GGH: variants seen among roughly 807,000 people sequenced by gnomAD.
GGH encodes the protein gamma-Glu-X carboxypeptidase.
GGH carries 18 observed loss-of-function variants against 39.2 expected under a neutral mutation model. The observed-to-expected ratio is 0.46, with a 90% CI of 0.32 to 0.68. The LOEUF (loss-of-function observed/expected upper bound fraction) is 0.68, where lower values mean the gene tolerates loss of function less well. Among genes scored for constraint, GGH ranks in the 30% least tolerant of loss-of-function variants. The pLI, the probability that GGH is intolerant of heterozygous loss-of-function variation, is 0.04. For synonymous variants in GGH, 147 were observed against 138.8 expected (o/e 1.06, Z -0.42); for missense variants, 367 against 384.1 (o/e 0.96, Z 0.37).
At chr8:63,033,401 C>T (rs961328354) in intron 2 of GGH, among the ~76,000 whole-genome samples, 1 of 152,194 alleles carries the variant, frequency 6.6e-6, no homozygotes, top group African/African-American at 2.4e-5. Flanking sequence ...TGTTGAGAGG[C>T]TCTTGATTAC....
rs142569934 is a variant in GGH at position 63,029,239 on chromosome 8, C to T, written c.275+928G>A. On this transcript the variant is annotated intron_variant, in intron 3 of 8. Coordinates refer to ENST00000260118, the MANE Select transcript of GGH (RefSeq NM_003878.3). ...TGGTAGAAATATGCATATCTCTTCA[C>T]CCCCACCTTTAACAAAAAGCAAACG... Among the ~76,000 whole-genome samples the T allele has an allele frequency of 1.8e-3, 270 of 152,270 alleles. 1 individual carries two copies. The highest frequency in any genetic ancestry group is 6.1e-3 in the African/African-American group (253 of 41,570).
At chr8:63,015,502 C>A in intron 8 of GGH, 49 bp from the exon 9 acceptor site, 1 of 1,215,100 alleles carries the variant, frequency 8.2e-7, no homozygotes, top group South Asian at 1.4e-5. Flanking sequence ...ACAAAATCTT[C>A]AAGAGACTAT....
chr8:63,021,541 T>C (rs1422609815), intron 7 of GGH, among the ~76,000 whole-genome samples: 1 of 152,148 alleles, frequency 6.6e-6, no homozygotes, highest in African/African-American at 2.4e-5. Flanking sequence ...TGGGTATAAA[T>C]GGTTTTTTAC....
At chr8:63,022,877 A>G (rs1308060879) in intron 7 of GGH, among the ~76,000 whole-genome samples, 1 of 152,114 alleles carries the variant, frequency 6.6e-6, no homozygotes, top group Non-Finnish European at 1.5e-5. Context: ...TGATTGTTTC[A>G]TGCCTATATT....
chr8:63,037,019 G>A (rs1489889567), intron 1 of GGH, among the ~76,000 whole-genome samples: 6 of 152,084 alleles, frequency 3.9e-5, no homozygotes, highest in Non-Finnish European at 7.4e-5. Flanking sequence ...CACGTCTGTC[G>A]GGTGAGTACC....
At chr8:63,035,900 C>A in intron 1 of GGH, 130 bp from the exon 2 acceptor site, 2 of 821,452 alleles carry the variant, frequency 2.4e-6, no homozygotes, top group Non-Finnish European at 3.7e-6. Context: ...GTCTCTCCTC[C>A]AAGTCCACCC....
chr8:63,022,672 G>T (rs1219641714), intron 7 of GGH, among the ~76,000 whole-genome samples: 1 of 149,696 alleles, frequency 6.7e-6, no homozygotes, highest in Non-Finnish European at 1.5e-5. Context: ...ATGCCACCAT[G>T]CCCAGCTTTT....
chr8:63,029,418 T>C (rs571650165), intron 3 of GGH, among the ~76,000 whole-genome samples: 3 of 152,320 alleles, frequency 2.0e-5, no homozygotes, highest in African/African-American at 7.2e-5. Flanking sequence ...TAGTCTGTTT[T>C]ATTTAACCAA....
At chr8:63,036,519 T>C (rs1424652490) in intron 1 of GGH, among the ~76,000 whole-genome samples, 1 of 151,986 alleles carries the variant, frequency 6.6e-6, no homozygotes, top group East Asian at 1.9e-4. Context: ...GCATAATATA[T>C]AGAGTGATGG....
At chr8:63,029,589 G>T (rs1176110034) in intron 3 of GGH, among the ~76,000 whole-genome samples, 1 of 151,874 alleles carries the variant, frequency 6.6e-6, no homozygotes, top group African/African-American at 2.4e-5. Flanking sequence ...ATTTCAATAG[G>T]TATTGCAATA....
intron 7 of GGH, among the ~76,000 whole-genome samples, chr8:63,022,923 A>G (rs1032569987): frequency 6.6e-6 from 1 of 152,196 alleles, no homozygotes; most frequent in African/African-American, 2.4e-5. Context: ...CTTAAAATAT[A>G]TTATACTTTA....
intron 3 of GGH, chr8:63,028,039 T>C (rs1804729765): frequency 6.6e-6 from 1 of 152,208 alleles, no homozygotes; most frequent in South Asian, 2.1e-4. Context: ...TATTAAAATT[T>C]TGAAAATATT....
chr8:63,033,408 T>C (rs1243040127), intron 2 of GGH, among the ~76,000 whole-genome samples: 1 of 152,234 alleles, frequency 6.6e-6, no homozygotes, highest in Non-Finnish European at 1.5e-5. Context: ...AGGCTCTTGA[T>C]TACCATTTCA....
chr8:63,027,449 C>G (rs1467087311), intron 3 of GGH, among the ~76,000 whole-genome samples, 184 bp from the exon 4 acceptor site: 3 of 152,116 alleles, frequency 2.0e-5, no homozygotes, highest in Non-Finnish European at 2.9e-5. Context: ...CATTCAGAAA[C>G]TACAGCAGTT....
chr8:63,019,371 G>A (rs995639066), intron 7 of GGH, among the ~76,000 whole-genome samples: 3 of 152,088 alleles, frequency 2.0e-5, no homozygotes, highest in Non-Finnish European at 2.9e-5. Context: ...CCATTCGATC[G>A]GTGACAAAAC....
In GGH at chr8:63,034,460, G is replaced by A. The variant is rs1012253353; in HGVS notation, c.224+1196C>T. Among the ~76,000 whole-genome samples the A allele has an allele frequency of 3.9e-5, 6 of 152,098 alleles. No homozygotes were observed. The South Asian group carries it at 1.0e-3, about 26-fold the overall frequency. ...TGATGAGGAATTGTTTGCAAAAACAGGCTGTACAGAATAAATAGTGTTTTA... is the reference window on the plus strand; with the variant it reads ...TGATGAGGAATTGTTTGCAAAAACAAGCTGTACAGAATAAATAGTGTTTTA... On this transcript the variant is annotated intron_variant, in intron 2 of 8. Coordinates refer to ENST00000260118, the MANE Select transcript of GGH (RefSeq NM_003878.3).
intron 8 of GGH, among the ~76,000 whole-genome samples, chr8:63,016,299 C>T (rs149680491): frequency 6.6e-6 from 1 of 152,232 alleles, no homozygotes; most frequent in African/African-American, 2.4e-5. Flanking sequence ...TTCCTTTGGA[C>T]TAATACTGTA....
At position 63,038,663 on chromosome 8, in the gene GGH, T is replaced by A; in HGVS notation, c.106A>T (p.Ile36Phe). The change falls in exon 1 of 9, where the codon ATC becomes TTC. Residue 36 changes from isoleucine to phenylalanine, a missense_variant. Ile to Phe is a conservative substitution (Grantham distance 21). Transcript: ENST00000260118. ...CGGCCCCGCACAGCCTCCTTACCGA[T>A]GATGGGCTTCTTGGCGGTGTCGCCG... ...PHGDTAKKPIIGILMQKCRNK... is the reference protein window; with the variant it reads ...PHGDTAKKPIFGILMQKCRNK... 2 of 1,489,568 alleles carry A rather than the reference T, an allele frequency of 1.3e-6. No individual in the cohort carries two copies. Among genetic ancestry groups the A allele is most frequent in the Non-Finnish European group, 9.1e-7 (1 of 1,102,456 alleles). 92.3% of individuals were successfully genotyped at this position (1,489,568 alleles called of 1,614,324 possible).
chr8:63,027,703 C>T (rs923004824), intron 3 of GGH, among the ~76,000 whole-genome samples: 1 of 152,078 alleles, frequency 6.6e-6, no homozygotes, highest in African/African-American at 2.4e-5. Context: ...CTATAAAGAA[C>T]AAGCTGGTCA....
Sources: gnomAD v4.1 joint callset for allele counts (sites outside exome capture counted in the v4.1 genomes callset) on GRCh38, gnomAD v4.1.1 for gene constraint, MANE v1.5 for transcripts, NCBI Gene and HGNC (gene_info 2026-07-23, HGNC 2026-07-21) for gene names.